The following FGGY variants were observed in gnomAD, a reference collection of about 807,000 sequenced individuals.
The protein encoded by FGGY is FGGY carbohydrate kinase domain containing.
In FGGY, 72 loss-of-function variants were observed where a neutral mutation model predicts 71.3. The ratio of observed to expected loss-of-function variants is 1.01; its 90% confidence interval spans 0.84 to 1.23. The LOEUF (loss-of-function observed/expected upper bound fraction) is 1.23, where lower values mean the gene tolerates loss of function less well. FGGY is among the 50% of genes most tolerant of loss of function. FGGY has a pLI of 0.00. For synonymous variants in FGGY, 251 were observed against 250.3 expected, an observed-to-expected ratio of 1.00 and a Z score of -0.02; for missense variants, 668 against 682.3, an observed-to-expected ratio of 0.98 and a Z score of 0.23.
intron 5 of FGGY, among the ~76,000 whole-genome samples, chr1:59,452,534 C>T (rs1453695481): frequency 6.6e-6 from 1 of 152,158 alleles, no homozygotes; most frequent in Non-Finnish European, 1.5e-5. Context: ...GTGGGACTTG[C>T]CTCTTGTAGA....
chr1:59,613,194 C>T (rs1262609268), intron 9 of FGGY, among the ~76,000 whole-genome samples: 1 of 152,204 alleles, frequency 6.6e-6, no homozygotes, highest in Non-Finnish European at 1.5e-5. Context: ...ACAGAATATA[C>T]ATTCTTCTCA....
At position 59,636,401 on chromosome 1, in the gene FGGY, C is replaced by A. The variant is rs1433441649; in HGVS notation, c.1074-1827C>A. ...CTTTGGGAGGCCGAGGTGGGCAGATCACGAGGTCAGGAGATTGAGACCATC... is the reference window on the plus strand; with the variant it reads ...CTTTGGGAGGCCGAGGTGGGCAGATAACGAGGTCAGGAGATTGAGACCATC... On this transcript the variant is annotated intron_variant, in intron 10 of 15. Coordinates refer to ENST00000303721, the MANE Select transcript of FGGY (RefSeq NM_018291.5). 2.6e-5 allele frequency among the ~76,000 whole-genome samples: 4 copies of A among 152,194 alleles called. No homozygotes were observed. In the East Asian group the frequency reaches 7.7e-4, roughly 29 times the overall value.
intron 5 of FGGY, among the ~76,000 whole-genome samples, chr1:59,422,605 G>A (rs1253227575): frequency 6.6e-6 from 1 of 151,954 alleles, no homozygotes; most frequent in African/African-American, 2.4e-5. Context: ...TGAGGTAGGA[G>A]GACTGCTTGA....
chr1:59,400,046 T>C (rs1040123985), intron 5 of FGGY, among the ~76,000 whole-genome samples: 1 of 152,232 alleles, frequency 6.6e-6, no homozygotes, highest in African/African-American at 2.4e-5. Flanking sequence ...AAGTGTGTTT[T>C]GGATGGTAAG....
At chr1:59,320,775 A>G (rs771849498) in intron 1 of FGGY, among the ~76,000 whole-genome samples, 1 of 152,228 alleles carries the variant, frequency 6.6e-6, no homozygotes, top group Non-Finnish European at 1.5e-5. Flanking sequence ...TTAAGAAACA[A>G]AGGAAAGAGC....
chr1:59,536,798 C>G (rs548432095), intron 7 of FGGY, among the ~76,000 whole-genome samples: 13 of 152,240 alleles, frequency 8.5e-5, no homozygotes, highest in South Asian at 8.3e-4. Context: ...ATTCAACAAC[C>G]CTTCATGCTA....
intron 5 of FGGY, among the ~76,000 whole-genome samples, chr1:59,381,210 T>G (rs957992218): frequency 2.0e-5 from 3 of 152,228 alleles, no homozygotes; most frequent in African/African-American, 7.2e-5. Context: ...TAATATAGTT[T>G]GAAGTCAGGT....
chr1:59,470,422 A>G (rs2092881699), intron 6 of FGGY, among the ~76,000 whole-genome samples: 2 of 152,178 alleles, frequency 1.3e-5, no homozygotes, highest in Non-Finnish European at 2.9e-5. Context: ...CATCACAGAG[A>G]TACATGCCAA....
intron 3 of FGGY, among the ~76,000 whole-genome samples, chr1:59,342,602 CTGAAA>C (rs1161614311): frequency 6.6e-6 from 1 of 152,104 alleles, no homozygotes; most frequent in African/African-American, 2.4e-5. Context: ...GATCTTTTAT[CTGAAA>C]TGAATTATCC....
At chr1:59,716,103 T>A (rs1368777900) in intron 14 of FGGY, among the ~76,000 whole-genome samples, 1 of 152,198 alleles carries the variant, frequency 6.6e-6, no homozygotes, top group South Asian at 2.1e-4. Flanking sequence ...CTATTTTAAG[T>A]AGGTTAGCTG....
At chr1:59,468,083 A>C (rs1181356498) in intron 6 of FGGY, among the ~76,000 whole-genome samples, 1 of 151,866 alleles carries the variant, frequency 6.6e-6, no homozygotes, top group Non-Finnish European at 1.5e-5. Context: ...TTGTATTTTT[A>C]GTAGAGACGG....
intron 7 of FGGY, among the ~76,000 whole-genome samples, chr1:59,535,428 G>C (rs1203005073): frequency 7.9e-5 from 12 of 152,204 alleles, no homozygotes; most frequent in East Asian, 3.9e-4. Context: ...ATCAACGAGA[G>C]AGAAAGTCAA....
At chr1:59,388,203 G>C (rs1467022705) in intron 5 of FGGY, among the ~76,000 whole-genome samples, 4 of 152,136 alleles carry the variant, frequency 2.6e-5, no homozygotes, top group Non-Finnish European at 5.9e-5. Context: ...TAGCAGCTTA[G>C]CAATATGAAT....
intron 8 of FGGY, among the ~76,000 whole-genome samples, chr1:59,560,730 C>T (rs916628215): frequency 1.3e-5 from 2 of 151,670 alleles, no homozygotes; most frequent in African/African-American, 4.8e-5. Flanking sequence ...GAAAGACAGA[C>T]AGAAAAAGGA....
rs148879760 is a variant in FGGY at position 59,721,651 on chromosome 1, T to C, written c.1513-36280T>C. Among the ~76,000 whole-genome samples the C allele has an allele frequency of 1.2e-3, 181 of 151,968 alleles. 1 individual carries two copies. The highest frequency in any genetic ancestry group is 4.1e-3 in the African/African-American group (171 of 41,308). On this transcript the variant is annotated intron_variant, in intron 14 of 15. Transcript: ENST00000303721. ...CCACACCCAGCAGATACAGAGAGTT[T>C]TTCTAAACCACATACTTAGTTACCT...
At chr1:59,757,402 C>T (rs985141253) in intron 14 of FGGY, among the ~76,000 whole-genome samples, 10 of 152,256 alleles carry the variant, frequency 6.6e-5, no homozygotes, top group East Asian at 1.9e-4. Context: ...AGACTCAGCC[C>T]GGAGGTCTCA....
chr1:59,395,353 A>T (rs2061200141), intron 5 of FGGY, among the ~76,000 whole-genome samples: 1 of 152,134 alleles, frequency 6.6e-6, no homozygotes, highest in Non-Finnish European at 1.5e-5. Flanking sequence ...CTTGGTGTAT[A>T]TTCTAATTTA....
intron 5 of FGGY, among the ~76,000 whole-genome samples, chr1:59,410,298 G>C (rs766370143): frequency 6.6e-6 from 1 of 152,088 alleles, no homozygotes; most frequent in Admixed American, 6.6e-5. Flanking sequence ...TACTAGGCAC[G>C]GTACTTGGTC....
upstream of FGGY, chr1:59,296,868 T>C (rs1368816812): frequency 6.6e-6 from 1 of 152,324 alleles, no homozygotes; most frequent in Admixed American, 6.5e-5. Flanking sequence ...ACGTGCAGAA[T>C]CCGTCTAGCT....
Sources: allele counts gnomAD v4.1 joint callset (sites outside exome capture counted in the v4.1 genomes callset), GRCh38; gene constraint gnomAD v4.1.1; transcripts MANE v1.5; gene names NCBI Gene and HGNC (gene_info 2026-07-23, HGNC 2026-07-21).